The following PLEKHS1 variants were observed in gnomAD, a reference collection of about 807,000 sequenced individuals.
PLEKHS1 encodes pleckstrin homology domain-containing family S member 1.
A neutral mutation model predicts 51.0 loss-of-function variants in PLEKHS1; 55 were observed. The observed-to-expected ratio is 1.08, with a 90% CI of 0.87 to 1.35. The LOEUF (loss-of-function observed/expected upper bound fraction) is 1.35, where lower values mean the gene tolerates loss of function less well. Ranked by LOEUF, PLEKHS1 falls within the 40% of genes most tolerant of loss-of-function variation. The pLI is 0.00. For synonymous variants in PLEKHS1, 153 were observed against 144.8 expected (o/e 1.06, Z -0.41); for missense variants, 398 against 423.0 (o/e 0.94, Z 0.52).
At chr10:113,765,752 GTTTGTT>G (rs1208748441) in intron 2 of PLEKHS1, among the ~76,000 whole-genome samples, 1 of 152,094 alleles carries the variant, frequency 6.6e-6, no homozygotes, top group Non-Finnish European at 1.5e-5. Context: ...TTCATTTTGG[GTTTGTT>G]TTTGTTTTTG....
chr10:113,755,399 T>A lies in PLEKHS1; in HGVS notation c.28+94T>A, dbSNP rs1313810507. 7.9e-6 allele frequency: 12 copies of A among 1,511,516 alleles called. No homozygotes were observed. In the East Asian group the frequency reaches 1.4e-4, roughly 18 times the overall value. 93.6% of individuals were successfully genotyped at this position (1,511,516 alleles called of 1,614,324 possible). A position where few individuals can be genotyped will look rare whatever the true frequency, so the allele number is the denominator to read the frequency against. ...CTAACCAGGATACAGAACTTGGTGG[T>A]TTTTGTGTATGTTGTTTTGTTTTGT... On this transcript the variant is annotated intron_variant, in intron 2 of 11. Coordinates refer to ENST00000361048, the Ensembl canonical transcript of PLEKHS1.
At chr10:113,774,264 C>A in exon 9 of PLEKHS1, 1 of 1,601,646 alleles carries the variant, frequency 6.2e-7, no homozygotes, top group South Asian at 1.1e-5. Context: ...TCTGGTGAAT[C>A]CATTGAAACT....
chr10:113,774,858 A>T lies in PLEKHS1; in HGVS notation c.812A>T (p.Asp271Val). The T allele has an allele frequency of 2.5e-6, 4 of 1,614,126 alleles. No homozygotes were observed. The Middle Eastern group carries it at 6.6e-4, about 266-fold the overall frequency. ...AAAGAGACATCCCATGAGTCTGTGGATAGCAGCAAAGAGGAACCCCAGACC... is the reference window on the plus strand; with the variant it reads ...AAAGAGACATCCCATGAGTCTGTGGTTAGCAGCAAAGAGGAACCCCAGACC... The change falls in exon 10 of 12, where the codon GAT becomes GTT. Residue 271 changes from aspartate (D) to valine (V), a missense_variant. Physicochemically the swap from Asp to Val is radical, Grantham distance 152 (BLOSUM62 -3). Transcript: ENST00000361048.
chr10:113,765,659 C>T (rs997384918), intron 2 of PLEKHS1, among the ~76,000 whole-genome samples: 7 of 152,216 alleles, frequency 4.6e-5, no homozygotes, highest in African/African-American at 1.7e-4. Flanking sequence ...TCTATATTTT[C>T]TAAAATGTCT....
At chr10:113,764,577 TTTTC>T (rs1270234623) in intron 2 of PLEKHS1, among the ~76,000 whole-genome samples, 1 of 152,224 alleles carries the variant, frequency 6.6e-6, no homozygotes, top group East Asian at 1.9e-4. Flanking sequence ...CTTGGTGTAC[TTTTC>T]TTTGTGTATC....
intron 2 of PLEKHS1, chr10:113,765,041 A>C: frequency 1.9e-5 from 4 of 213,802 alleles, no homozygotes; most frequent in East Asian, 1.0e-4. Flanking sequence ...TGTCAGTTCT[A>C]GGCCTGTTTT....
intron 2 of PLEKHS1, among the ~76,000 whole-genome samples, chr10:113,764,484 T>G (rs543332095): frequency 6.6e-6 from 1 of 152,332 alleles, no homozygotes; most frequent in African/African-American, 2.4e-5. Flanking sequence ...TTTTTCTGTA[T>G]GCAATAGGTC....
rs888870347 is a variant in PLEKHS1, at chr10:113,780,650, G to A, written c.*48G>A. 19 of 1,613,744 alleles carry A rather than the reference G, an allele frequency of 1.2e-5. No individual in the cohort carries two copies. Among genetic ancestry groups the A allele is most frequent in the Admixed American group, 3.3e-5 (2 of 60,004 alleles). On this transcript the variant is annotated 3_prime_UTR_variant, in exon 12 of 12. Transcript: ENST00000361048. ...GATCCCAAATTCAGAGACATTCCAT[G>A]CTGCATCCTGTATGTGTCCCTCAAA...
At chr10:113,764,903 C>T (rs2134509151) in intron 2 of PLEKHS1, 1 of 153,230 alleles carries the variant, frequency 6.5e-6, no homozygotes, top group Middle Eastern at 3.4e-3. Context: ...TTTTTTGAGA[C>T]ATTGTAGTTT....
At chr10:113,774,998 G>C in exon 10 of PLEKHS1, 2 of 1,614,142 alleles carry the variant, frequency 1.2e-6, no homozygotes. Flanking sequence ...AAAGGGGTCG[G>C]CCTCACTAAC....
At chr10:113,767,509 T>C (rs746139132) in intron 5 of PLEKHS1, 30 bp downstream of exon 5, 1 of 1,576,260 alleles carries the variant, frequency 6.3e-7, no homozygotes, top group Non-Finnish European at 8.6e-7. Context: ...ACAGAATATC[T>C]ACTGCATGCA....
chr10:113,767,338 C>A lies in PLEKHS1; in HGVS notation c.225-7C>A. On this transcript the variant is annotated splice_polypyrimidine_tract_variant and splice_region_variant and intron_variant, in intron 4 of 11. Transcript: ENST00000361048. The stretch of plus-strand genomic sequence containing the variant: ...TTGGTTTAATACTTTGTGTCTATAT[C>A]TAATAGAAATTCCAGTGTAGAAGTT... 1.3e-6 allele frequency: 2 copies of A among 1,589,884 alleles called. No homozygotes were observed. The highest frequency in any genetic ancestry group is 1.7e-6 in the Non-Finnish European group (2 of 1,167,118).
intron 8 of PLEKHS1, among the ~76,000 whole-genome samples, chr10:113,772,734 G>A (rs1054236470): frequency 6.6e-6 from 1 of 152,168 alleles, no homozygotes; most frequent in African/African-American, 2.4e-5. Context: ...GAAGGCTTCT[G>A]GGATGAAGTG....
At chr10:113,754,061 A>G (rs2009429) in intron 1 of PLEKHS1, among the ~76,000 whole-genome samples, 14,746 of 151,648 alleles carry the variant, frequency 0.097, 799 homozygotes, top group South Asian at 0.15. Flanking sequence ...GCCCACCTCA[A>G]CCTCCCAAAG....
At chr10:113,762,346 A>G (rs1020896121) in intron 2 of PLEKHS1, among the ~76,000 whole-genome samples, 2 of 49,180 alleles carry the variant, frequency 4.1e-5, no homozygotes, top group African/African-American at 1.5e-4. Flanking sequence ...CCCTTCCTCT[A>G]TTGACTTTAG....
At chr10:113,775,999 CTGT>C (rs1440307210) in intron 11 of PLEKHS1, 133 bp downstream of exon 11, 7 of 571,860 alleles carry the variant, frequency 1.2e-5, no homozygotes, top group Non-Finnish European at 2.0e-5. Context: ...TGTTGACTGG[CTGT>C]TGTTACAAAA....
chr10:113,783,192 C>A (rs1164021894), downstream of PLEKHS1: 1 of 151,674 alleles, frequency 6.6e-6, no homozygotes, highest in African/African-American at 2.4e-5. Flanking sequence ...CAAGATCATG[C>A]CATTGCACTC....
intron 1 of PLEKHS1, among the ~76,000 whole-genome samples, chr10:113,752,745 G>A (rs1853905514): frequency 6.6e-6 from 1 of 152,204 alleles, no homozygotes; most frequent in Non-Finnish European, 1.5e-5. Flanking sequence ...GGTGGGTGGG[G>A]AGATGAAGGA....
chr10:113,754,899 C>A (rs1273271063), intron 1 of PLEKHS1, among the ~76,000 whole-genome samples: 1 of 152,218 alleles, frequency 6.6e-6, no homozygotes, highest in Non-Finnish European at 1.5e-5. Flanking sequence ...TCCATGGCAT[C>A]CTGCCCTTTG....
Sources: allele counts gnomAD v4.1 joint callset (sites outside exome capture counted in the v4.1 genomes callset), GRCh38; gene constraint gnomAD v4.1.1; transcripts MANE v1.5; gene names NCBI Gene and HGNC (gene_info 2026-07-23, HGNC 2026-07-21).